PCDHGA9: variants seen among roughly 807,000 people sequenced by gnomAD.
PCDHGA9 encodes protocadherin gamma-A9.
Under a neutral mutation model 62.5 loss-of-function variants are expected in PCDHGA9, and 37 were observed. The observed-to-expected ratio is 0.59, with a 90% confidence interval of 0.46 to 0.78. PCDHGA9 has a LOEUF of 0.78. Among genes scored for constraint, PCDHGA9 ranks in the 30% least tolerant of loss-of-function variants. The pLI is 0.00. For synonymous variants in PCDHGA9, 459 were observed against 484.6 expected (o/e 0.95, Z 0.69); for missense variants, 1,138 against 1,166.2 (o/e 0.98, Z 0.35).
At chr5:141,409,243 AATC>A in intron 1 of PCDHGA9, 1 of 1,614,032 alleles carries the variant, frequency 6.2e-7, no homozygotes, top group South Asian at 1.1e-5. Context: ...GCCCAGAAAT[AATC>A]ATCACTTCTC....
At chr5:141,465,338 G>C (rs908157154) in intron 1 of PCDHGA9, among the ~76,000 whole-genome samples, 6 of 151,962 alleles carry the variant, frequency 3.9e-5, no homozygotes, top group Admixed American at 2.6e-4. Context: ...TTTTATATTG[G>C]TTACTGAAGA....
chr5:141,460,214 G>C (rs925628892), intron 1 of PCDHGA9, among the ~76,000 whole-genome samples: 1 of 151,896 alleles, frequency 6.6e-6, no homozygotes, highest in South Asian at 2.1e-4. Flanking sequence ...CATTTTCTTA[G>C]TTGTGTCTTT....
chr5:141,404,648 G>A lies in PCDHGA9; in HGVS notation c.1696G>A (p.Ala566Thr), dbSNP rs1178706213. 1 of 1,614,030 alleles carries A rather than the reference G, an allele frequency of 6.2e-7. No individual in the cohort carries two copies. Among genetic ancestry groups the A allele is most frequent in the Non-Finnish European group, 8.5e-7 (1 of 1,180,034 alleles). Residue 566 changes from alanine (A) to threonine (T), a missense_variant, in exon 1 of 4, where the codon GCC becomes ACC. By Grantham distance (58) the Ala-to-Thr change is moderately conservative (BLOSUM62 0). Transcript: ENST00000573521. ...NDNAPEILYP[A>T]LPTDGSTGVE... is the part of the protein sequence containing the mutation. ...CAATGCCCCAGAAATCCTGTACCCT[G>A]CCCTCCCCACTGATGGTTCTACTGG... is the stretch of plus-strand genomic sequence containing the variant.
intron 3 of PCDHGA9, among the ~76,000 whole-genome samples, chr5:141,505,976 A>G (rs911235674): frequency 1.3e-5 from 2 of 152,136 alleles, no homozygotes; most frequent in Admixed American, 1.3e-4. Context: ...CCCAGCCGAG[A>G]GAACACCTCC....
Position 141,491,029 on chromosome 5 carries a change from G to T in PCDHGA9, c.2425-3778G>T. 1 of 1,614,172 alleles carries T rather than the reference G, an allele frequency of 6.2e-7. No homozygotes were observed. The highest frequency in any genetic ancestry group is 1.1e-5 in the South Asian group (1 of 91,088). On this transcript the variant is annotated intron_variant, in intron 1 of 3. Coordinates refer to ENST00000573521, the MANE Select transcript of PCDHGA9 (RefSeq NM_018921.3). The surrounding 1 kb of genome is among the most constrained non-coding windows in gnomAD (Gnocchi z 6.9). ...GGTCACCAAGGTGACAGCCGTGGAT[G>T]CTGATGCAGGCCACAATGCGTGGCT...
rs200317374 is a variant in PCDHGA9, at chr5:141,408,395, A to C, written c.2424+3019A>C. 29 of 1,613,856 alleles carry C rather than the reference A, an allele frequency of 1.8e-5. No homozygotes were observed. The South Asian group carries it at 3.0e-4, about 16-fold the overall frequency. On this transcript the variant is annotated intron_variant, in intron 1 of 3. Transcript: ENST00000573521. ...CAGTGTCCTGGATGTGTCGGCTCGC[A>C]AGCTGCGAGTGAGCGCGGAGAAGCT...
At position 141,432,643 on chromosome 5, in the gene PCDHGA9, G is replaced by A. The variant is rs2097523971; in HGVS notation, c.2424+27267G>A. 15 of 1,613,754 alleles carry A rather than the reference G, an allele frequency of 9.3e-6. No homozygotes were observed. Among genetic ancestry groups the A allele is most frequent in the East Asian group, 4.5e-5 (2 of 44,860 alleles). ...GTCTGCACACGGGCGAGGTGCGCAC[G>A]GCGCGAGCCCTGCTGGACAGAGACG... On this transcript the variant is annotated intron_variant, in intron 1 of 3. Coordinates refer to ENST00000573521, the MANE Select transcript of PCDHGA9 (RefSeq NM_018921.3). This position sits in a 1 kb window ranked among gnomAD's most constrained non-coding sequence, Gnocchi z 6.0.
rs537684458 is a variant in PCDHGA9, at chr5:141,431,679, T to G, written c.2424+26303T>G. The G allele has an allele frequency of 1.5e-5, 24 of 1,614,222 alleles. No individual in the cohort carries two copies. The highest frequency in any genetic ancestry group is 3.3e-5 in the Admixed American group (2 of 60,028). On this transcript the variant is annotated intron_variant, in intron 1 of 3. Coordinates refer to ENST00000573521, the MANE Select transcript of PCDHGA9 (RefSeq NM_018921.3). The surrounding 1 kb of genome is among the most constrained non-coding windows in gnomAD (Gnocchi z 4.8). ...GGGACAATATCAACAATAGGGGAGT[T>G]GGACCACGAGGAGTCAGGATTCTAC...
intron 1 of PCDHGA9, among the ~76,000 whole-genome samples, chr5:141,483,057 C>T (rs1329609397): frequency 6.6e-6 from 1 of 152,028 alleles, no homozygotes; most frequent in African/African-American, 2.4e-5. Flanking sequence ...TGCACTCCAG[C>T]ATGGGCAACA....
Position 141,490,192 on chromosome 5 carries a change from A to C in PCDHGA9, c.2425-4615A>C. 1 of 1,614,182 alleles carries C rather than the reference A, an allele frequency of 6.2e-7. No homozygotes were observed. Among genetic ancestry groups the C allele is most frequent in the South Asian group, 1.1e-5 (1 of 91,082 alleles). On this transcript the variant is annotated intron_variant, in intron 1 of 3. Coordinates refer to ENST00000573521, the MANE Select transcript of PCDHGA9 (RefSeq NM_018921.3). The surrounding 1 kb of genome is among the most constrained non-coding windows in gnomAD (Gnocchi z 5.4). Reference sequence around the variant, plus strand: ...CTTTGAGGAGTCACGTTTCTATGAAATTCATGCAAGAGCCCGTGACCAGGG... The same window carrying C: ...CTTTGAGGAGTCACGTTTCTATGAACTTCATGCAAGAGCCCGTGACCAGGG...
At chr5:141,413,637 G>T in intron 1 of PCDHGA9, 8 of 1,613,888 alleles carry the variant, frequency 5.0e-6, no homozygotes, top group Non-Finnish European at 6.8e-6. Context: ...CTGCGGGAAT[G>T]CGTTTTCCTC....
At chr5:141,408,396 A>G (rs764101918) in intron 1 of PCDHGA9, 18 of 1,614,020 alleles carry the variant, frequency 1.1e-5, no homozygotes, top group South Asian at 5.5e-5. Flanking sequence ...TCGGCTCGCA[A>G]GCTGCGAGTG....
Position 141,431,559 on chromosome 5 carries a change from C to T in PCDHGA9, c.2424+26183C>T. 6.2e-7 allele frequency: 1 copy of T among 1,614,158 alleles called. No individual in the cohort carries two copies. On this transcript the variant is annotated intron_variant, in intron 1 of 3. Transcript: ENST00000573521. The surrounding 1 kb of genome is among the most constrained non-coding windows in gnomAD (Gnocchi z 4.8). ...ACGCAGCTGCTTGTAGTCAACGCTA[C>T]CGACCCTGACGAAGGAGTCAATGCG...
chr5:141,422,831 C>A (rs766457129), intron 1 of PCDHGA9: 11 of 1,614,242 alleles, frequency 6.8e-6, no homozygotes, highest in Non-Finnish European at 6.8e-6. Context: ...AGAGTGATAG[C>A]ACGTGACAGC....
rs374663576 is a variant in PCDHGA9, at chr5:141,489,905, G to T, written c.2425-4902G>T. On this transcript the variant is annotated intron_variant, in intron 1 of 3. Coordinates refer to ENST00000573521, the MANE Select transcript of PCDHGA9 (RefSeq NM_018921.3). The surrounding 1 kb of genome is among the most constrained non-coding windows in gnomAD (Gnocchi z 4.5). ...GCTGTGGATGGGGGGACCCCAGCCC[G>T]CTCAGGGACCACCCTTATCTCTGTC... The T allele has an allele frequency of 9.7e-5, 156 of 1,614,226 alleles. 3 individuals are homozygous for T. The South Asian group carries it at 1.6e-3, about 16-fold the overall frequency.
chr5:141,472,980 C>CAAAAAAAAAAAAAAAAAAGAAAAAAA (rs60579131), intron 1 of PCDHGA9, among the ~76,000 whole-genome samples: 1 of 86,106 alleles, frequency 1.2e-5, no homozygotes, highest in South Asian at 4.3e-4. Flanking sequence ...GAGTGAAACT[C>CAAAAAAAAAAAAAAAAAAGAAAAAAA]AAAAAAAAAA....
chr5:141,474,563 A>G lies in PCDHGA9; in HGVS notation c.2425-20244A>G, dbSNP rs143794984. 1.4e-3 allele frequency among the ~76,000 whole-genome samples: 210 copies of G among 152,332 alleles called. 2 individuals are homozygous for G. The highest frequency in any genetic ancestry group is 5.0e-3 in the African/African-American group (207 of 41,572). ...TGAGCATTTAAAACTGGGGGTTTTC[A>G]GAGATTAATTGAAGTGTTAAAGACA... On this transcript the variant is annotated intron_variant, in intron 1 of 3. Coordinates refer to ENST00000573521, the MANE Select transcript of PCDHGA9 (RefSeq NM_018921.3).
rs539892249 is a variant in PCDHGA9 at position 141,500,355 on chromosome 5, C to T, written c.2484-5038C>T. ...TCCAGAATAGCTGGGACTACAGGCG[C>T]CCACTACCACGCCCGGCTAATTATT... On this transcript the variant is annotated intron_variant, in intron 2 of 3. Coordinates refer to ENST00000573521, the MANE Select transcript of PCDHGA9 (RefSeq NM_018921.3). Among the ~76,000 whole-genome samples, 274 of 152,030 alleles carry T rather than the reference C, an allele frequency of 1.8e-3. 2 individuals are homozygous for T. The highest frequency in any genetic ancestry group is 6.3e-3 in the African/African-American group (263 of 41,478).
intron 1 of PCDHGA9, among the ~76,000 whole-genome samples, chr5:141,451,924 G>C (rs1337159204): frequency 1.3e-5 from 2 of 152,008 alleles, no homozygotes; most frequent in African/African-American, 4.8e-5. Context: ...AAGGAAGGGA[G>C]GTAGGGAGGC....
Sources: gnomAD v4.1 joint callset for allele counts (sites outside exome capture counted in the v4.1 genomes callset) on GRCh38, gnomAD v4.1.1 for gene constraint, Gnocchi (gnomAD v3.1) non-coding constraint, MANE v1.5 for transcripts, NCBI Gene and HGNC (gene_info 2026-07-23, HGNC 2026-07-21) for gene names.